Variants in UGT1A7 observed in about 807,000 individuals in gnomAD.
UGT1A7 encodes UDP-glucuronosyltransferase 1A7.
In UGT1A7, 33 loss-of-function variants were observed where a neutral mutation model predicts 45.6. The ratio of observed to expected loss-of-function variants is 0.72; its 90% CI spans 0.55 to 0.97. UGT1A7 has a LOEUF of 0.97. UGT1A7 is among the 50% of genes least tolerant of loss of function. The pLI is 0.00. For missense variants in UGT1A7, 684 were observed against 666.2 expected (o/e 1.03, Z -0.29); for synonymous variants, 274 against 250.6 (o/e 1.09, Z -0.88).
chr2:233,708,982 G>C (rs1269882270), intron 1 of UGT1A7, among the ~76,000 whole-genome samples: 2 of 151,916 alleles, frequency 1.3e-5, no homozygotes, highest in East Asian at 3.9e-4. Flanking sequence ...CTGTTTCCTC[G>C]GCCGTGGCAT....
At chr2:233,701,099 T>C (rs2075610283) in intron 1 of UGT1A7, among the ~76,000 whole-genome samples, 2 of 152,224 alleles carry the variant, frequency 1.3e-5, no homozygotes, top group South Asian at 4.1e-4. Flanking sequence ...TGTGCCACAT[T>C]TTCTTAATCC....
intron 1 of UGT1A7, chr2:233,708,495 T>C (rs1421697403): frequency 6.6e-6 from 1 of 152,212 alleles, no homozygotes; most frequent in Admixed American, 6.5e-5. Context: ...CTCATGCTTA[T>C]AATCCCAGCA....
intron 1 of UGT1A7, among the ~76,000 whole-genome samples, chr2:233,687,425 G>A (rs1234842882): frequency 6.6e-6 from 1 of 151,954 alleles, no homozygotes; most frequent in Non-Finnish European, 1.5e-5. Context: ...GGCTTACCGT[G>A]TACCAGGTGC....
chr2:233,718,875 C>G, intron 1 of UGT1A7: 1 of 1,613,984 alleles, frequency 6.2e-7, no homozygotes, highest in Non-Finnish European at 8.5e-7. Context: ...ACTGCTGCTC[C>G]TCCTCAGTGT....
rs199947040 is a variant in UGT1A7 at position 233,743,509 on chromosome 2, G to A, written c.856-23525G>A. On this transcript the variant is annotated intron_variant, in intron 1 of 4. Transcript: ENST00000373426. ...GAAGGCAGAGAAAAGGGGTGCAGAC[G>A]CTCTGCTTCTGCTTCCCCAGCAGTT... 3.6e-5 allele frequency: 49 copies of A among 1,367,172 alleles called. 1 individual carries two copies. The South Asian group carries it at 4.7e-4, about 13-fold the overall frequency. The allele number at this position is 1,367,172 out of a possible 1,614,324, so 84.7% of individuals were successfully genotyped here.
chr2:233,694,505 T>C (rs2076734533), intron 1 of UGT1A7, among the ~76,000 whole-genome samples: 1 of 152,180 alleles, frequency 6.6e-6, no homozygotes, highest in African/African-American at 2.4e-5. Flanking sequence ...ACAGATGCCC[T>C]CCTGACATGT....
chr2:233,754,759 C>T lies in UGT1A7; in HGVS notation c.856-12275C>T, dbSNP rs188420016. 6.3e-5 allele frequency: 56 copies of T among 893,964 alleles called. No individual in the cohort carries two copies. In the African/African-American group the frequency reaches 8.1e-4, roughly 13 times the overall value. 55.4% of individuals were successfully genotyped at this position (893,964 alleles called of 1,614,324 possible). On this transcript the variant is annotated intron_variant, in intron 1 of 4. Transcript: ENST00000373426. ...TAGGACATGCAGAAGGAAGAAAGGCCCCCACTTCCCAGGGAGCCAAAGGAA... is the reference window on the plus strand; with the variant it reads ...TAGGACATGCAGAAGGAAGAAAGGCTCCCACTTCCCAGGGAGCCAAAGGAA...
chr2:233,772,135 A>C (rs1281309979), intron 4 of UGT1A7, 127 bp from the exon 5 acceptor site: 4 of 1,546,748 alleles, frequency 2.6e-6, no homozygotes, highest in Non-Finnish European at 3.5e-6. Context: ...CAACAACAAT[A>C]ATAGAAACAG....
At chr2:233,724,451 C>T (rs1350834688) in intron 1 of UGT1A7, among the ~76,000 whole-genome samples, 1 of 120,264 alleles carries the variant, frequency 8.3e-6, no homozygotes. Flanking sequence ...GACAGGGCAG[C>T]TGCCGGGCGG....
At chr2:233,713,195 C>T in intron 1 of UGT1A7, 4 of 1,614,230 alleles carry the variant, frequency 2.5e-6, no homozygotes, top group South Asian at 2.2e-5. Flanking sequence ...TGAATATGTA[C>T]ATCAAAGAAG....
At chr2:233,692,792 T>C in intron 1 of UGT1A7, 3 of 1,374,468 alleles carry the variant, frequency 2.2e-6, no homozygotes, top group Non-Finnish European at 9.4e-7. Context: ...AGGTGAAAGC[T>C]GACACGGCCA....
At chr2:233,743,076 G>T (rs1054800) in intron 1 of UGT1A7, 5 of 344,584 alleles carry the variant, frequency 1.5e-5, no homozygotes, top group Non-Finnish European at 2.8e-5. Context: ...GTGTTGGCAT[G>T]AAGTGTTTAT....
rs115940468 is a variant in UGT1A7, at chr2:233,693,384, A to G, written c.855+10592A>G. 36 of 1,614,214 alleles carry G rather than the reference A, an allele frequency of 2.2e-5. 1 individual carries two copies. The East Asian group carries it at 8.0e-4, about 36-fold the overall frequency. ...ATTGGCCTGTACTTCATCAACTGCC[A>G]GAGCCTCCTGCAGGACAGGGACACC... is the stretch of plus-strand genomic sequence containing the variant. On this transcript the variant is annotated intron_variant, in intron 1 of 4. Transcript: ENST00000373426.
At chr2:233,768,171 T>C (rs761240010) in intron 3 of UGT1A7, 49 bp from the exon 4 acceptor site, 11 of 1,613,794 alleles carry the variant, frequency 6.8e-6, no homozygotes, top group South Asian at 1.1e-5. Flanking sequence ...TGTCCAGCTG[T>C]GAAACTCAGA....
rs1262132657 is a variant in UGT1A7 at position 233,717,698 on chromosome 2, A to G, written c.855+34906A>G. 9.0e-6 allele frequency: 4 copies of G among 446,168 alleles called. No homozygotes were observed. In the Admixed American group the frequency reaches 9.5e-5, roughly 11 times the overall value. The allele number at this position is 446,168 out of a possible 1,614,324, so 27.6% of individuals were successfully genotyped here. A position where few individuals can be genotyped will look rare whatever the true frequency, so the allele number is the denominator to read the frequency against. On this transcript the variant is annotated intron_variant, in intron 1 of 4. Transcript: ENST00000373426. Reference sequence around the variant, plus strand: ...AGCACATGTAGGAGTGACTTTCTGGAGCAGGACGAGCCTCATGGGCATGAG... The same window carrying G: ...AGCACATGTAGGAGTGACTTTCTGGGGCAGGACGAGCCTCATGGGCATGAG...
intron 1 of UGT1A7, among the ~76,000 whole-genome samples, chr2:233,757,259 G>T (rs1043917928): frequency 2.0e-5 from 3 of 146,774 alleles, no homozygotes; most frequent in African/African-American, 7.6e-5. Context: ...TTATTCAGGT[G>T]GCAGCCGATG....
chr2:233,761,438 A>G (rs1335864417), intron 1 of UGT1A7, among the ~76,000 whole-genome samples: 1 of 152,232 alleles, frequency 6.6e-6, no homozygotes, highest in East Asian at 1.9e-4. Flanking sequence ...CCATAGGCAC[A>G]GAATGCTGGG....
At chr2:233,693,454 C>T (rs1319320427) in intron 1 of UGT1A7, 1 of 1,614,134 alleles carries the variant, frequency 6.2e-7, no homozygotes, top group Admixed American at 1.7e-5. Context: ...TTTTCACAGA[C>T]CCAGCCTTAC....
intron 1 of UGT1A7, among the ~76,000 whole-genome samples, chr2:233,720,871 A>ATTTTTTT (rs60621337): frequency 2.3e-5 from 3 of 132,772 alleles, no homozygotes; most frequent in Admixed American, 7.5e-5. Context: ...GCTCCTGGCA[A>ATTTTTTT]TTTTTTTTTT....
Sources: gnomAD v4.1 joint callset for allele counts (sites outside exome capture counted in the v4.1 genomes callset) on GRCh38, gnomAD v4.1.1 for gene constraint, MANE v1.5 for transcripts, NCBI Gene and HGNC (gene_info 2026-07-23, HGNC 2026-07-21) for gene names.